The following ARHGEF9 variants were observed in gnomAD, a reference collection of about 807,000 sequenced individuals.
The protein encoded by ARHGEF9 is Cdc42 guanine nucleotide exchange factor 9.
ARHGEF9 carries 2 observed loss-of-function variants against 41.3 expected under a neutral mutation model. The observed-to-expected ratio is 0.05, with a 90% CI of 0.02 to 0.15. ARHGEF9 has a LOEUF of 0.15. ARHGEF9 is among the 10% of genes least tolerant of loss of function. The pLI, the probability that ARHGEF9 is intolerant of heterozygous loss-of-function variation, is 1.00. For missense variants in ARHGEF9, 225 were observed against 424.7 expected (o/e 0.53, Z 4.13); for synonymous variants, 160 against 154.4 (o/e 1.04, Z -0.27).
chrX:63,776,413 T>C (rs1328094756), intron 1 of ARHGEF9, among the ~76,000 whole-genome samples: 1 of 112,444 alleles, frequency 8.9e-6, no homozygotes, highest in Non-Finnish European at 1.9e-5. Context: ...CATGGCTGTG[T>C]TCCAATGAAG....
chrX:63,646,059 C>G (rs1340797902), intron 8 of ARHGEF9, among the ~76,000 whole-genome samples: 1 of 111,631 alleles, frequency 9.0e-6, no homozygotes, highest in Non-Finnish European at 1.9e-5. Flanking sequence ...ATCCTTCACC[C>G]ACTTGTTGAT....
At chrX:63,686,524 T>A (rs2050992445) in intron 4 of ARHGEF9, among the ~76,000 whole-genome samples, 1 of 111,767 alleles carries the variant, frequency 8.9e-6, no homozygotes, top group Admixed American at 9.5e-5. Flanking sequence ...ATTATACATA[T>A]GTTAAAAATT....
At chrX:63,685,711 T>C (rs1190090951) in intron 4 of ARHGEF9, among the ~76,000 whole-genome samples, 4 of 111,925 alleles carry the variant, frequency 3.6e-5, no homozygotes, top group Non-Finnish European at 3.8e-5. Flanking sequence ...GGCAATTCAA[T>C]AGGGGAATCA....
At chrX:63,731,801 T>A (rs781816622) in intron 1 of ARHGEF9, among the ~76,000 whole-genome samples, 1 of 110,918 alleles carries the variant, frequency 9.0e-6, no homozygotes, top group African/African-American at 3.3e-5. Context: ...CCTCAGGTGA[T>A]CCGCCTGCCT....
At chrX:63,775,865 T>A (rs1325878036) in intron 1 of ARHGEF9, among the ~76,000 whole-genome samples, 23 of 111,306 alleles carry the variant, frequency 2.1e-4, no homozygotes, top group African/African-American at 7.5e-4. Context: ...AAATCAAAAG[T>A]ACATTTAAAT....
intron 1 of ARHGEF9, chrX:63,755,326 C>T (rs1217134824): frequency 1.1e-5 from 8 of 755,030 alleles, no homozygotes; most frequent in Non-Finnish European, 1.4e-5. Context: ...AGCTCGCTCT[C>T]CCCAGACCGG....
In ARHGEF9 at chrX:63,637,427, C is replaced by T. The variant is rs782718912; in HGVS notation, c.*601G>A. Reference sequence around the variant, plus strand: ...GCTGAAAAAAGGTTATTTGGGGCAACTGCAGGGCTGAAGGAACATTTGATA... The same window carrying T: ...GCTGAAAAAAGGTTATTTGGGGCAATTGCAGGGCTGAAGGAACATTTGATA... On this transcript the variant is annotated 3_prime_UTR_variant, in exon 10 of 10. Transcript: ENST00000671741. 1.3e-4 allele frequency: 38 copies of T among 291,064 alleles called. No homozygotes were observed. The highest frequency in any genetic ancestry group is 1.9e-4 in the Admixed American group (3 of 15,932). The allele number at this position is 291,064 out of a possible 1,213,427, so 24.0% of individuals were successfully genotyped here.
rs1556298967 is a variant in ARHGEF9, at chrX:63,637,261, T to G, written c.*767A>C. 6.4e-5 allele frequency: 19 copies of G among 295,712 alleles called. No individual in the cohort carries two copies. The highest frequency in any genetic ancestry group is 4.1e-5 in the Non-Finnish European group (7 of 170,103). The allele number at this position is 295,712 out of a possible 1,213,427, so 24.4% of individuals were successfully genotyped here. A position where few individuals can be genotyped will look rare whatever the true frequency, so the allele number is the denominator to read the frequency against. On this transcript the variant is annotated 3_prime_UTR_variant, in exon 10 of 10. Transcript: ENST00000671741. ...GAAGTCCACTCCAGCATCATCATAGTCTGATACTCCCTTGCTTCTGTTTGG... is the reference window on the plus strand; with the variant it reads ...GAAGTCCACTCCAGCATCATCATAGGCTGATACTCCCTTGCTTCTGTTTGG...
At chrX:63,649,817 C>T (rs868913265) in intron 8 of ARHGEF9, among the ~76,000 whole-genome samples, 26 of 109,245 alleles carry the variant, frequency 2.4e-4, no homozygotes, top group Middle Eastern at 4.7e-3. Flanking sequence ...AACACCTCTA[C>T]GCAAATAAAC....
At position 63,637,594 on chromosome X, in the gene ARHGEF9, AAAC is replaced by A; in HGVS notation, c.*431_*433del. The A allele has an allele frequency of 4.6e-6, 1 of 219,566 alleles. No homozygotes were observed. The highest frequency in any genetic ancestry group is 8.2e-6 in the Non-Finnish European group (1 of 122,196). 18.1% of individuals were successfully genotyped at this position (219,566 alleles called of 1,213,427 possible). On this transcript the variant is annotated 3_prime_UTR_variant, in exon 10 of 10. Transcript: ENST00000671741. Reference sequence around the variant, plus strand: ...ATCAACATCAGTATCATCAGAAAAAAAACAATACAAACACATCTATCGTAATAA... The same window carrying A: ...ATCAACATCAGTATCATCAGAAAAAAAATACAAACACATCTATCGTAATAA...
chrX:63,751,818 C>G (rs1181755512), intron 1 of ARHGEF9, among the ~76,000 whole-genome samples: 2 of 110,740 alleles, frequency 1.8e-5, no homozygotes, highest in Non-Finnish European at 3.8e-5. Flanking sequence ...CACCCCGCAT[C>G]CACACTCAGG....
At chrX:63,648,366 G>A (rs1266615207) in intron 8 of ARHGEF9, among the ~76,000 whole-genome samples, 3 of 111,089 alleles carry the variant, frequency 2.7e-5, no homozygotes, top group Admixed American at 9.6e-5. Flanking sequence ...CATAAGTGAA[G>A]GAGAAATAAA....
At chrX:63,732,497 C>T (rs1175100128) in intron 1 of ARHGEF9, among the ~76,000 whole-genome samples, 3 of 111,458 alleles carry the variant, frequency 2.7e-5, no homozygotes, top group East Asian at 2.8e-4. Context: ...GTCTCCCAAC[C>T]GGCTTCCTTG....
intron 1 of ARHGEF9, chrX:63,767,170 T>C (rs2056126786): frequency 1.3e-6 from 1 of 773,571 alleles, no homozygotes; most frequent in Non-Finnish European, 2.0e-6. Context: ...CCATGCAGCA[T>C]CTTAAACCAG....
At chrX:63,707,747 C>T (rs1238645609) in intron 2 of ARHGEF9, among the ~76,000 whole-genome samples, 3 of 111,522 alleles carry the variant, frequency 2.7e-5, no homozygotes, top group Non-Finnish European at 3.8e-5. Flanking sequence ...GGTAATCACT[C>T]GGGGGGAAGA....
chrX:63,698,487 T>G (rs2051929507), intron 3 of ARHGEF9, among the ~76,000 whole-genome samples: 1 of 111,713 alleles, frequency 9.0e-6, no homozygotes, highest in Non-Finnish European at 1.9e-5. Flanking sequence ...GAAGAAATTA[T>G]AGTCATTTGC....
rs138664651 is a variant in ARHGEF9 at position 63,689,484 on chromosome X, A to G, written c.582+7641T>C. Among the ~76,000 whole-genome samples, 189 of 112,171 alleles carry G rather than the reference A, an allele frequency of 1.7e-3. 1 individual carries two copies. Among genetic ancestry groups the G allele is most frequent in the Non-Finnish European group, 3.2e-3 (169 of 53,178 alleles). On this transcript the variant is annotated intron_variant, in intron 4 of 9. Transcript: ENST00000671741. ...ATTCGCATGCACCCAACACTGGAGC[A>G]CCCAAATATACACAACAAATATTAG... is the stretch of plus-strand genomic sequence containing the variant.
At position 63,724,772 on chromosome X, in the gene ARHGEF9, C is replaced by A. The variant is rs1393514877; in HGVS notation, c.31-61G>T. The A allele has an allele frequency of 4.6e-6, 5 of 1,084,106 alleles. No homozygotes were observed. The Admixed American group carries it at 1.1e-4, about 24-fold the overall frequency. The allele number at this position is 1,084,106 out of a possible 1,213,427, so 89.3% of individuals were successfully genotyped here. A position where few individuals can be genotyped will look rare whatever the true frequency, so the allele number is the denominator to read the frequency against. On this transcript the variant is annotated intron_variant, in intron 1 of 9. Transcript: ENST00000671741. ...CAGCTACCTTGCTTGCCCCTTCCCC[C>A]ACCCACAGAGCTCTACTACTTACAG...
At chrX:63,679,968 C>T (rs2050510945) in intron 4 of ARHGEF9, among the ~76,000 whole-genome samples, 1 of 111,988 alleles carries the variant, frequency 8.9e-6, no homozygotes, top group Non-Finnish European at 1.9e-5. Flanking sequence ...AATACTGGAA[C>T]CAATTAGTGA....
Sources: gnomAD v4.1 joint callset for allele counts (sites outside exome capture counted in the v4.1 genomes callset) on GRCh38, gnomAD v4.1.1 for gene constraint, MANE v1.5 for transcripts, NCBI Gene and HGNC (gene_info 2026-07-23, HGNC 2026-07-21) for gene names.